The following NTM variants were observed in gnomAD, a reference collection of about 807,000 sequenced individuals.
NTM encodes the protein IgLON family member 2.
In NTM, 13 loss-of-function variants were observed where a neutral mutation model predicts 42.1. That is an observed-to-expected ratio of 0.31 (90% CI 0.20 to 0.49). The LOEUF is 0.49. NTM is among the 20% of genes least tolerant of loss of function. The pLI is 0.99. For synonymous variants in NTM, 187 were observed against 179.2 expected, an observed-to-expected ratio of 1.04 and a Z score of -0.35; for missense variants, 373 against 452.8, an observed-to-expected ratio of 0.82 and a Z score of 1.60.
chr11:132,069,149 A>G (rs2056983053), intron 2 of NTM, among the ~76,000 whole-genome samples: 1 of 151,626 alleles, frequency 6.6e-6, no homozygotes, highest in African/African-American at 2.4e-5. Flanking sequence ...AACACGTCAA[A>G]CTGACCATCA....
chr11:131,996,128 A>G (rs1365726865), intron 2 of NTM, among the ~76,000 whole-genome samples: 2 of 152,202 alleles, frequency 1.3e-5, no homozygotes, highest in Non-Finnish European at 2.9e-5. Context: ...GCCCTAAAGA[A>G]TTTGGACTTT....
chr11:131,546,486 A>G (rs1194844269), intron 1 of NTM, among the ~76,000 whole-genome samples: 1 of 152,186 alleles, frequency 6.6e-6, no homozygotes, highest in East Asian at 1.9e-4. Context: ...AAAATTGCCT[A>G]TCAATCCCTG....
At chr11:131,918,514 A>G (rs1323640984) in intron 2 of NTM, among the ~76,000 whole-genome samples, 1 of 152,198 alleles carries the variant, frequency 6.6e-6, no homozygotes, top group Admixed American at 6.5e-5. Flanking sequence ...TTTACAGAGC[A>G]GGAAACCAAA....
intron 2 of NTM, among the ~76,000 whole-genome samples, chr11:132,004,625 C>G (rs1489808826): frequency 6.7e-6 from 1 of 150,134 alleles, no homozygotes; most frequent in Non-Finnish European, 1.5e-5. Flanking sequence ...CTCTCTCTCT[C>G]TCTCTCTCTC....
At chr11:131,479,782 G>A (rs1953354355) in intron 1 of NTM, among the ~76,000 whole-genome samples, 1 of 152,174 alleles carries the variant, frequency 6.6e-6, no homozygotes, top group Non-Finnish European at 1.5e-5. Context: ...CAGGTGATAT[G>A]CAATTGTGTG....
intron 1 of NTM, among the ~76,000 whole-genome samples, chr11:131,587,093 CATTTT>C (rs2058936435): frequency 6.6e-6 from 1 of 152,170 alleles, no homozygotes; most frequent in East Asian, 1.9e-4. Flanking sequence ...TGTATTATCT[CATTTT>C]ATTTACCCAT....
rs1460714953 is a variant in NTM, at chr11:131,598,750, TC to T, written c.82+227863del. On this transcript the variant is annotated intron_variant, in intron 1 of 8. Coordinates refer to ENST00000683400, the MANE Select transcript of NTM (RefSeq NM_001352005.2). ...TTCTTTCTTTCTTTCTTTCTTTCTTTCTTTCTTCTTTCTTTTTTTCTTTCTT... is the reference window on the plus strand; with the variant it reads ...TTCTTTCTTTCTTTCTTTCTTTCTTTTTTCTTCTTTCTTTTTTTCTTTCTT... 2.7e-3 allele frequency among the ~76,000 whole-genome samples: 215 copies of T among 79,746 alleles called. 3 individuals are homozygous for T. Among genetic ancestry groups the T allele is most frequent in the African/African-American group, 8.2e-3 (208 of 25,320 alleles). The allele number at this position is 79,746 out of a possible 152,430, so 52.3% of individuals were successfully genotyped here. A position where few individuals can be genotyped will look rare whatever the true frequency, so the allele number is the denominator to read the frequency against.
At chr11:131,401,654 A>G (rs1175162874) in intron 1 of NTM, among the ~76,000 whole-genome samples, 2 of 151,110 alleles carry the variant, frequency 1.3e-5, no homozygotes, top group Non-Finnish European at 2.9e-5. Context: ...GATACTAGGC[A>G]TTTGAAAAAG....
At chr11:131,969,543 G>T (rs755842353) in intron 2 of NTM, among the ~76,000 whole-genome samples, 1 of 152,182 alleles carries the variant, frequency 6.6e-6, no homozygotes, top group Non-Finnish European at 1.5e-5. Flanking sequence ...GGGAGGCAGG[G>T]TGAGTCCTCC....
intron 2 of NTM, among the ~76,000 whole-genome samples, chr11:132,078,315 A>G (rs568581438): frequency 1.2e-3 from 178 of 152,330 alleles, no homozygotes; most frequent in Non-Finnish European, 1.9e-3. Context: ...TTCGAACCTC[A>G]GCAAATTGGT....
At chr11:131,523,868 C>T (rs192180181) in intron 1 of NTM, among the ~76,000 whole-genome samples, 1 of 150,182 alleles carries the variant, frequency 6.7e-6, no homozygotes, top group Non-Finnish European at 1.5e-5. Context: ...TGAAAGAATT[C>T]TCTGTGCAGT....
chr11:131,647,444 G>A (rs2065908249), intron 1 of NTM, among the ~76,000 whole-genome samples: 1 of 152,226 alleles, frequency 6.6e-6, no homozygotes, highest in East Asian at 1.9e-4. Context: ...ATATTGTGGA[G>A]GGAGGTCATC....
intron 4 of NTM, among the ~76,000 whole-genome samples, chr11:132,264,718 T>C (rs1040699928): frequency 2.0e-5 from 3 of 152,218 alleles, no homozygotes; most frequent in African/African-American, 7.2e-5. Context: ...AGTGGTATCT[T>C]ATATTTACAT....
intron 1 of NTM, among the ~76,000 whole-genome samples, chr11:131,671,008 T>C (rs1592465130): frequency 6.6e-6 from 1 of 152,090 alleles, no homozygotes; most frequent in African/African-American, 2.4e-5. Flanking sequence ...GAGGCTCCCC[T>C]CTTCCTCCTG....
At chr11:131,615,231 G>C (rs2061808109) in intron 1 of NTM, among the ~76,000 whole-genome samples, 1 of 152,164 alleles carries the variant, frequency 6.6e-6, no homozygotes, top group African/African-American at 2.4e-5. Context: ...CAGTTACTGG[G>C]TCTCTCAGCC....
At chr11:131,964,004 A>G (rs1184261996) in intron 2 of NTM, among the ~76,000 whole-genome samples, 1 of 152,196 alleles carries the variant, frequency 6.6e-6, no homozygotes, top group Admixed American at 6.5e-5. Context: ...TCTGTCTTAC[A>G]TGGCTTCTAG....
At chr11:131,999,661 A>G (rs1446815652) in intron 2 of NTM, among the ~76,000 whole-genome samples, 1 of 152,228 alleles carries the variant, frequency 6.6e-6, no homozygotes, top group African/African-American at 2.4e-5. Context: ...CTCTTCTGAC[A>G]TATGCCTCTG....
At chr11:131,437,514 A>T (rs1407772060) in intron 1 of NTM, among the ~76,000 whole-genome samples, 2 of 152,102 alleles carry the variant, frequency 1.3e-5, no homozygotes, top group Non-Finnish European at 2.9e-5. Flanking sequence ...CTTCTTGTTG[A>T]ATTGATCCCT....
Position 132,146,271 on chromosome 11 carries a change from C to A in NTM, c.168-11C>A. 6.2e-7 allele frequency: 1 copy of A among 1,614,028 alleles called. No individual in the cohort carries two copies. The highest frequency in any genetic ancestry group is 8.5e-7 in the Non-Finnish European group (1 of 1,179,908). ...CAGTCCCTTGACGTACCTGTCTGGT[C>A]TTCCCTTCAGGTGCACTATTGACAA... On this transcript the variant is annotated splice_polypyrimidine_tract_variant and intron_variant, in intron 2 of 8. Coordinates refer to ENST00000683400, the MANE Select transcript of NTM (RefSeq NM_001352005.2). The surrounding 1 kb of genome is among the most constrained non-coding windows in gnomAD (Gnocchi z 4.5).
Sources: allele counts gnomAD v4.1 joint callset (sites outside exome capture counted in the v4.1 genomes callset), GRCh38; gene constraint gnomAD v4.1.1; non-coding constraint Gnocchi (gnomAD v3.1); transcripts MANE v1.5; gene names NCBI Gene and HGNC (gene_info 2026-07-23, HGNC 2026-07-21).